SKIC3: variants seen among roughly 807,000 people sequenced by gnomAD.
SKIC3 encodes the protein superkiller complex protein 3.
chr5:95,512,778 A>G, the SKIC3 span: 1 of 747,264 alleles, frequency 1.3e-6, no homozygotes, highest in African/African-American at 1.8e-5. Flanking sequence ...TCACTATGAT[A>G]AAACACAGCG....
At chr5:95,464,434 G>T in the SKIC3 span, 2 of 569,600 alleles carry the variant, frequency 3.5e-6, no homozygotes, top group Non-Finnish European at 3.1e-6. Flanking sequence ...TTAAAATCAG[G>T]TTTGGAGTTA....
chr5:95,476,450 T>C, the SKIC3 span, among the ~76,000 whole-genome samples: 1 of 152,238 alleles, frequency 6.6e-6, no homozygotes, highest in East Asian at 1.9e-4. Flanking sequence ...CTTTTATAAA[T>C]GTCTTATTTT....
At chr5:95,522,266 C>G in the SKIC3 span, 1 of 1,613,650 alleles carries the variant, frequency 6.2e-7, no homozygotes, top group Non-Finnish European at 8.5e-7. Flanking sequence ...CGATTCCCAA[C>G]AATTGAAGTC....
chr5:95,468,141 A>G, the SKIC3 span: 5 of 988,462 alleles, frequency 5.1e-6, no homozygotes, highest in Non-Finnish European at 7.5e-6. Flanking sequence ...TAAAGGTAAT[A>G]ATGGTTAATA....
At chr5:95,529,101 C>A in the SKIC3 span, 59 of 1,613,328 alleles carry the variant, frequency 3.7e-5, no homozygotes, top group East Asian at 8.2e-4. Context: ...TTTCCTTTAA[C>A]CCTAAAAGGA....
the SKIC3 span, among the ~76,000 whole-genome samples, chr5:95,486,628 C>A: frequency 6.6e-6 from 1 of 152,208 alleles, no homozygotes; most frequent in African/African-American, 2.4e-5. Context: ...CCCAAGCATA[C>A]CCTCCTGGGG....
At chr5:95,491,755 T>A in the SKIC3 span, among the ~76,000 whole-genome samples, 3 of 152,214 alleles carry the variant, frequency 2.0e-5, no homozygotes, top group Non-Finnish European at 2.9e-5. Context: ...TTAGAAGTTT[T>A]TTCTTTTCAT....
the SKIC3 span, chr5:95,546,904 G>A: frequency 1.4e-6 from 1 of 700,490 alleles, no homozygotes; most frequent in South Asian, 1.7e-5. Flanking sequence ...AGTTTATCCT[G>A]CTAACTAGAG....
the SKIC3 span, among the ~76,000 whole-genome samples, chr5:95,543,798 C>G: frequency 1.3e-5 from 2 of 152,126 alleles, no homozygotes; most frequent in Non-Finnish European, 2.9e-5. Flanking sequence ...TAGATTCACC[C>G]CAGTGCGATT....
the SKIC3 span, chr5:95,513,614 T>A: frequency 1.2e-6 from 2 of 1,613,844 alleles, no homozygotes. Flanking sequence ...ATCCATGGTG[T>A]CATAACTTCC....
the SKIC3 span, among the ~76,000 whole-genome samples, chr5:95,548,877 T>A: frequency 6.6e-6 from 1 of 151,876 alleles, no homozygotes; most frequent in African/African-American, 2.4e-5. Flanking sequence ...AACCATTACA[T>A]AAGGAGGAAG....
the SKIC3 span, among the ~76,000 whole-genome samples, chr5:95,509,322 T>C: frequency 6.6e-6 from 1 of 151,732 alleles, no homozygotes; most frequent in Non-Finnish European, 1.5e-5. Flanking sequence ...CACTGAAGGG[T>C]GAGGGGAATG....
the SKIC3 span, among the ~76,000 whole-genome samples, chr5:95,501,682 G>A: frequency 1.3e-4 from 20 of 151,318 alleles, no homozygotes; most frequent in Admixed American, 1.3e-3. Context: ...TAGGAGAAGG[G>A]GAAAAAAAGA....
chr5:95,473,522 C>T, the SKIC3 span, among the ~76,000 whole-genome samples: 16 of 152,290 alleles, frequency 1.1e-4, no homozygotes, highest in South Asian at 2.1e-4. Context: ...GTGATCCACC[C>T]GCTTTGGCCT....
the SKIC3 span, chr5:95,540,585 G>T: frequency 7.0e-7 from 1 of 1,436,994 alleles, no homozygotes; most frequent in Non-Finnish European, 9.7e-7. Context: ...ACATTACTAT[G>T]GAAATGGAAA....
At chr5:95,545,268 C>T in the SKIC3 span, among the ~76,000 whole-genome samples, 63 of 152,156 alleles carry the variant, frequency 4.1e-4, no homozygotes, top group African/African-American at 1.5e-3. Context: ...AACACACTGC[C>T]CACCTTCTTC....
the SKIC3 span, chr5:95,516,302 A>G: frequency 1.9e-6 from 3 of 1,599,468 alleles, no homozygotes; most frequent in East Asian, 2.2e-5. Flanking sequence ...GGAGACAATA[A>G]TATAGAAAAC....
the SKIC3 span, among the ~76,000 whole-genome samples, chr5:95,533,637 T>C: frequency 6.6e-6 from 1 of 152,210 alleles, no homozygotes; most frequent in Non-Finnish European, 1.5e-5. Context: ...ATATACACTC[T>C]TTTTGCTGTG....
chr5:95,548,691 CT>C, the SKIC3 span: 1 of 151,416 alleles, frequency 6.6e-6, no homozygotes. Flanking sequence ...AACCAGTTTC[CT>C]TTGGTTAAAA....
Sources: gnomAD v4.1 joint callset for allele counts (sites outside exome capture counted in the v4.1 genomes callset) on GRCh38, gnomAD v4.1.1 for gene constraint, MANE v1.5 for transcripts, NCBI Gene and HGNC (gene_info 2026-07-23, HGNC 2026-07-21) for gene names.